Variants in ADIPOQ observed in about 807,000 individuals in gnomAD.
ADIPOQ encodes adiponectin, C1Q and collagen domain containing, also known as adiponectin.
ADIPOQ carries 19 observed loss-of-function variants against 16.1 expected under a neutral mutation model. The ratio of observed to expected loss-of-function variants is 1.18; its 90% confidence interval spans 0.82 to 1.73. The LOEUF (loss-of-function observed/expected upper bound fraction) is 1.73. ADIPOQ is among the 40% of genes most tolerant of loss of function. The probability of loss-of-function intolerance (pLI) is 0.00; values close to 1 mark genes in which losing one functional copy is unlikely to be tolerated. For missense variants in ADIPOQ, 323 were observed against 308.3 expected, an observed-to-expected ratio of 1.05 and a Z score of -0.36; for synonymous variants, 124 against 125.5, an observed-to-expected ratio of 0.99 and a Z score of 0.08.
At position 186,853,103 on chromosome 3, in the gene ADIPOQ, T is replaced by G. The variant is rs2241766; in HGVS notation, c.45T>G (p.Gly15=). 0.12 allele frequency: 198,197 copies of G among 1,614,010 alleles called. 13,827 individuals carry two copies. Among genetic ancestry groups the G allele is most frequent in the East Asian group, 0.3 (13,281 of 44,844 alleles). The change falls in exon 2 of 3, where the codon GGT becomes GGG. Residue 15 remains glycine (G), a synonymous_variant. Coordinates refer to ENST00000320741, the MANE Select transcript of ADIPOQ (RefSeq NM_004797.4). The stretch of plus-strand genomic sequence containing the variant: ...TTCTACTGCTATTAGCTCTGCCCGG[T>G]CATGACCAGGAAACCACGACTCAAG... ...GAVLLLLALP[G]HDQETTTQGP...
intron 1 of ADIPOQ, among the ~76,000 whole-genome samples, chr3:186,849,531 C>T (rs548345740): frequency 6.6e-6 from 1 of 152,222 alleles, no homozygotes; most frequent in Non-Finnish European, 1.5e-5. Flanking sequence ...GAACACTCTC[C>T]TGAATTCTTC....
chr3:186,853,752 A>G (rs1039810589), intron 2 of ADIPOQ: 1 of 221,536 alleles, frequency 4.5e-6, no homozygotes, highest in Non-Finnish European at 9.0e-6. Flanking sequence ...TATTCAAAGT[A>G]TGGAGCATAG....
rs777244635 is a variant in ADIPOQ, at chr3:186,854,184, G to A, written c.215G>A (p.Gly72Asp). 16 of 1,612,666 alleles carry A rather than the reference G, an allele frequency of 9.9e-6. No homozygotes were observed. The highest frequency in any genetic ancestry group is 1.3e-5 in the Non-Finnish European group (15 of 1,179,252). Residue 72 changes from glycine (G) to aspartate (D), a missense_variant and splice_region_variant, in exon 3 of 3, where the codon GGT becomes GAT. Gly to Asp is a moderately conservative substitution (Grantham distance 94, BLOSUM62 -1). Transcript: ENST00000320741. ...TCACTGAGGTCTTCTCATTCCTTAGGTCTTATTGGTCCTAAGGGAGACATC... is the reference window on the plus strand; with the variant it reads ...TCACTGAGGTCTTCTCATTCCTTAGATCTTATTGGTCCTAAGGGAGACATC... ...PGEKGEKGDP[G>D]LIGPKGDIGE...
rs1712028265 is a variant in ADIPOQ, at chr3:186,856,960, C to A, written c.*2256C>A. On this transcript the variant is annotated 3_prime_UTR_variant, in exon 3 of 3. Transcript: ENST00000320741. ...ACCAAAGCTCAAAACAATCAAGACC[C>A]TTTTCTGTATGTCCTTCTGTTCTGC... The A allele has an allele frequency of 2.6e-5, 4 of 152,198 alleles. No homozygotes were observed. Among genetic ancestry groups the A allele is most frequent in the Admixed American group, 2.6e-4 (4 of 15,270 alleles). 9.4% of individuals were successfully genotyped at this position (152,198 alleles called of 1,614,324 possible).
Position 186,854,786 on chromosome 3 carries a change from A to G in ADIPOQ, c.*82A>G. On this transcript the variant is annotated 3_prime_UTR_variant, in exon 3 of 3. Coordinates refer to ENST00000320741, the MANE Select transcript of ADIPOQ (RefSeq NM_004797.4). ...TTTCAGTACGGTTAGGAAGTTGATT[A>G]TTATTTAGTTGGAGGCCTTTAGATA... The G allele has an allele frequency of 6.5e-7, 1 of 1,542,856 alleles. No homozygotes were observed. The highest frequency in any genetic ancestry group is 8.9e-7 in the Non-Finnish European group (1 of 1,122,226).
At position 186,857,762 on chromosome 3, in the gene ADIPOQ, T is replaced by A. The variant is rs562061122; in HGVS notation, c.*3058T>A. 2 of 152,336 alleles carry A rather than the reference T, an allele frequency of 1.3e-5. No individual in the cohort carries two copies. Among genetic ancestry groups the A allele is most frequent in the East Asian group, 3.9e-4 (2 of 5,188 alleles). 9.4% of individuals were successfully genotyped at this position (152,336 alleles called of 1,614,324 possible). A position where few individuals can be genotyped will look rare whatever the true frequency, so the allele number is the denominator to read the frequency against. On this transcript the variant is annotated 3_prime_UTR_variant, in exon 3 of 3. Coordinates refer to ENST00000320741, the MANE Select transcript of ADIPOQ (RefSeq NM_004797.4). ...TTTTAGCGCTCTATTATTAGATATA[T>A]ACATGTTTAGTATTATGTCTTATTG...
At chr3:186,852,538 C>A (rs1711812683) in intron 1 of ADIPOQ, 1 of 164,004 alleles carries the variant, frequency 6.1e-6, no homozygotes, top group South Asian at 1.7e-4. Context: ...AAACATGTGC[C>A]CCAGGAGAGG....
chr3:186,854,345 C>T lies in ADIPOQ; in HGVS notation c.376C>T (p.Pro126Ser), dbSNP rs770412744. ...GGGATTGGAGACTTACGTTACTATC[C>T]CCAACATGCCCATTCGCTTTACCAA... ...SVGLETYVTIPNMPIRFTKIF... is the reference protein window; with the variant it reads ...SVGLETYVTISNMPIRFTKIF... Residue 126 changes from proline (P) to serine (S), a missense_variant, in exon 3 of 3, where the codon CCC becomes TCC. Pro to Ser is a moderately conservative substitution (Grantham distance 74, BLOSUM62 -1). Transcript: ENST00000320741. 2 of 1,614,018 alleles carry T rather than the reference C, an allele frequency of 1.2e-6. No individual in the cohort carries two copies. The highest frequency in any genetic ancestry group is 8.5e-7 in the Non-Finnish European group (1 of 1,180,026).
rs551023378 is a variant in ADIPOQ at position 186,844,578 on chromosome 3, C to G, written c.-9+1829C>G. ...TCTTTTTTGGGGACAGGGTCTCACTCTATCACCCAGGCTGGAGTGCAGTGG... is the reference window on the plus strand; with the variant it reads ...TCTTTTTTGGGGACAGGGTCTCACTGTATCACCCAGGCTGGAGTGCAGTGG... On this transcript the variant is annotated intron_variant, in intron 1 of 2. Transcript: ENST00000320741. Among the ~76,000 whole-genome samples, 15 of 151,170 alleles carry G rather than the reference C, an allele frequency of 9.9e-5. No individual in the cohort carries two copies. The East Asian group carries it at 1.8e-3, about 18-fold the overall frequency.
In ADIPOQ at chr3:186,854,925, C is replaced by T. The variant is rs1711939804; in HGVS notation, c.*221C>T. Reference sequence around the variant, plus strand: ...TTCACAAACATGACCAGATAACTGACTAGAAAGAAGTAGTTGACAGTGCTA... The same window carrying T: ...TTCACAAACATGACCAGATAACTGATTAGAAAGAAGTAGTTGACAGTGCTA... On this transcript the variant is annotated 3_prime_UTR_variant, in exon 3 of 3. Transcript: ENST00000320741. 3 of 647,502 alleles carry T rather than the reference C, an allele frequency of 4.6e-6. No homozygotes were observed. Among genetic ancestry groups the T allele is most frequent in the South Asian group, 3.9e-5 (2 of 51,596 alleles). 40.1% of individuals were successfully genotyped at this position (647,502 alleles called of 1,614,324 possible).
At chr3:186,843,608 C>T (rs917411465) in intron 1 of ADIPOQ, among the ~76,000 whole-genome samples, 4 of 144,764 alleles carry the variant, frequency 2.8e-5, no homozygotes, top group Non-Finnish European at 4.5e-5. Flanking sequence ...TGCAGTGAGC[C>T]GAGATTGTTG....
In ADIPOQ at chr3:186,854,889, T is replaced by C. The variant is rs1294285348; in HGVS notation, c.*185T>C. 7.0e-6 allele frequency: 6 copies of C among 856,700 alleles called. No individual in the cohort carries two copies. Among genetic ancestry groups the C allele is most frequent in the Non-Finnish European group, 1.1e-5 (6 of 563,782 alleles). The allele number at this position is 856,700 out of a possible 1,614,324, so 53.1% of individuals were successfully genotyped here. A position where few individuals can be genotyped will look rare whatever the true frequency, so the allele number is the denominator to read the frequency against. ...AAAAAATCATATGCTATGTTCCCAG[T>C]CCTGGGGAGCTTCACAAACATGACC... On this transcript the variant is annotated 3_prime_UTR_variant, in exon 3 of 3. Transcript: ENST00000320741.
At chr3:186,844,734 T>C (rs180753306) in intron 1 of ADIPOQ, among the ~76,000 whole-genome samples, 249 of 152,112 alleles carry the variant, frequency 1.6e-3, no homozygotes, top group African/African-American at 5.8e-3. Flanking sequence ...TTTGTAGAGA[T>C]GAGGTCTCAC....
intron 1 of ADIPOQ, 156 bp from the exon 2 acceptor site, chr3:186,852,895 A>G: frequency 1.4e-6 from 1 of 697,606 alleles, no homozygotes; most frequent in Non-Finnish European, 2.5e-6. Context: ...GGTGGGCTGC[A>G]ATATTCAGAA....
rs1443322952 is a variant in ADIPOQ at position 186,857,009 on chromosome 3, T to A, written c.*2305T>A. 1 of 152,200 alleles carries A rather than the reference T, an allele frequency of 6.6e-6. No homozygotes were observed. The highest frequency in any genetic ancestry group is 1.5e-5 in the Non-Finnish European group (1 of 68,032). 9.4% of individuals were successfully genotyped at this position (152,200 alleles called of 1,614,324 possible). On this transcript the variant is annotated 3_prime_UTR_variant, in exon 3 of 3. Transcript: ENST00000320741. ...GCCTTCCGCAGTGTAGGCTTTACCCTCAGGTGCTACACAGTATAGTTCTAG... is the reference window on the plus strand; with the variant it reads ...GCCTTCCGCAGTGTAGGCTTTACCCACAGGTGCTACACAGTATAGTTCTAG...
Position 186,856,463 on chromosome 3 carries a change from T to C in ADIPOQ, c.*1759T>C, listed in dbSNP as rs1712006575. The stretch of plus-strand genomic sequence containing the variant: ...AAGCTTTGTCTTTTTGTTGTTGTTG[T>C]TGTTTTTAAGATGGAGTTTCCCTCT... On this transcript the variant is annotated 3_prime_UTR_variant, in exon 3 of 3. Coordinates refer to ENST00000320741, the MANE Select transcript of ADIPOQ (RefSeq NM_004797.4). 1 of 152,260 alleles carries C rather than the reference T, an allele frequency of 6.6e-6. No individual in the cohort carries two copies. The highest frequency in any genetic ancestry group is 1.5e-5 in the Non-Finnish European group (1 of 68,064). 9.4% of individuals were successfully genotyped at this position (152,260 alleles called of 1,614,324 possible). A position where few individuals can be genotyped will look rare whatever the true frequency, so the allele number is the denominator to read the frequency against.
intron 1 of ADIPOQ, chr3:186,852,474 CTCTG>C (rs1480621723): frequency 6.5e-6 from 1 of 154,486 alleles, no homozygotes; most frequent in Non-Finnish European, 1.4e-5. Flanking sequence ...CTCTCTTTTT[CTCTG>C]TGTGTGTTTG....
chr3:186,850,593 C>A (rs1711718999), intron 1 of ADIPOQ, among the ~76,000 whole-genome samples: 1 of 151,812 alleles, frequency 6.6e-6, no homozygotes, highest in South Asian at 2.1e-4. Flanking sequence ...ATTTAAAAAT[C>A]AAAGTATAAT....
intron 1 of ADIPOQ, among the ~76,000 whole-genome samples, chr3:186,844,301 C>G (rs1026576442): frequency 1.3e-5 from 2 of 152,102 alleles, no homozygotes; most frequent in Non-Finnish European, 2.9e-5. Flanking sequence ...GCATGCGCCA[C>G]CACGCCCAGC....
Sources: gnomAD v4.1 joint callset for allele counts (sites outside exome capture counted in the v4.1 genomes callset) on GRCh38, gnomAD v4.1.1 for gene constraint, MANE v1.5 for transcripts, NCBI Gene and HGNC (gene_info 2026-07-23, HGNC 2026-07-21) for gene names.